PAPPA2: variants seen among roughly 807,000 people sequenced by gnomAD.
PAPPA2 encodes the protein pappalysin 2.
In PAPPA2, 86 loss-of-function variants were observed where a neutral mutation model predicts 176.4. That is an observed-to-expected ratio of 0.49 (90% CI 0.41 to 0.58). The LOEUF is 0.58. PAPPA2 is among the 20% of genes least tolerant of loss of function. The probability of loss-of-function intolerance (pLI) is 0.00; values close to 1 mark genes in which losing one functional copy is unlikely to be tolerated. For synonymous variants in PAPPA2, 809 were observed against 852.2 expected, an observed-to-expected ratio of 0.95 and a Z score of 0.88; for missense variants, 2,073 against 2,256.9, an observed-to-expected ratio of 0.92 and a Z score of 1.65.
intron 14 of PAPPA2, among the ~76,000 whole-genome samples, chr1:176,763,343 C>T (rs1273661427): frequency 6.6e-6 from 1 of 152,156 alleles, no homozygotes; most frequent in African/African-American, 2.4e-5. Flanking sequence ...GGTTCTTATA[C>T]CACTGGTACT....
chr1:176,713,662 G>A (rs1661240986), intron 12 of PAPPA2, among the ~76,000 whole-genome samples: 1 of 152,004 alleles, frequency 6.6e-6, no homozygotes, highest in African/African-American at 2.4e-5. Flanking sequence ...CCTCTCAAAT[G>A]TAAAACTGTT....
intron 1 of PAPPA2, among the ~76,000 whole-genome samples, chr1:176,538,739 TCA>T (rs1392640112): frequency 5.9e-5 from 9 of 152,192 alleles, no homozygotes; most frequent in African/African-American, 2.2e-4. Flanking sequence ...TTTCTTTGCC[TCA>T]TCACTAGACA....
At chr1:176,793,293 C>CT (rs1308392118) in intron 19 of PAPPA2, among the ~76,000 whole-genome samples, 1 of 152,086 alleles carries the variant, frequency 6.6e-6, no homozygotes, top group Non-Finnish European at 1.5e-5. Flanking sequence ...TCAGGCATTC[C>CT]AGAGGAGGGG....
intron 6 of PAPPA2, among the ~76,000 whole-genome samples, chr1:176,694,820 A>G (rs889422219): frequency 2.6e-5 from 4 of 152,372 alleles, no homozygotes; most frequent in Admixed American, 2.6e-4. Flanking sequence ...TGGAAATATA[A>G]ATCAGAATAG....
At chr1:176,499,331 G>A (rs1305815236) in intron 1 of PAPPA2, among the ~76,000 whole-genome samples, 1 of 152,134 alleles carries the variant, frequency 6.6e-6, no homozygotes, top group Non-Finnish European at 1.5e-5. Context: ...GGGCTATGTG[G>A]CAAGTCATGC....
At chr1:176,503,118 T>C (rs981378540) in intron 1 of PAPPA2, among the ~76,000 whole-genome samples, 3 of 152,160 alleles carry the variant, frequency 2.0e-5, no homozygotes, top group Non-Finnish European at 4.4e-5. Flanking sequence ...ATGTTCCTTC[T>C]GGAGACTCTA....
At chr1:176,811,884 C>T (rs555886197) in intron 21 of PAPPA2, among the ~76,000 whole-genome samples, 2 of 152,118 alleles carry the variant, frequency 1.3e-5, no homozygotes, top group South Asian at 2.1e-4. Flanking sequence ...AAAGCTAAAA[C>T]CATTGCCCCC....
At chr1:176,803,760 A>C (rs1665782861) in intron 21 of PAPPA2, among the ~76,000 whole-genome samples, 1 of 152,200 alleles carries the variant, frequency 6.6e-6, no homozygotes, top group Non-Finnish European at 1.5e-5. Context: ...TGCTAAAAAT[A>C]TCTCAGGAAC....
intron 21 of PAPPA2, among the ~76,000 whole-genome samples, chr1:176,816,376 C>T (rs1280554609): frequency 1.9e-4 from 10 of 53,508 alleles, no homozygotes; most frequent in South Asian, 5.2e-4. Flanking sequence ...GACATCATCA[C>T]GCACACACAC....
intron 16 of PAPPA2, among the ~76,000 whole-genome samples, chr1:176,770,482 C>T (rs1050320206): frequency 1.3e-5 from 2 of 152,254 alleles, no homozygotes; most frequent in East Asian, 3.9e-4. Flanking sequence ...AGTTACCGAT[C>T]CCCAATTTCC....
chr1:176,557,093 A>G lies in PAPPA2; in HGVS notation c.771A>G (p.Gln257=), dbSNP rs373299916. 38 of 1,613,638 alleles carry G rather than the reference A, an allele frequency of 2.4e-5. No individual in the cohort carries two copies. The highest frequency in any genetic ancestry group is 2.3e-4 in the Admixed American group (14 of 59,958). Residue 257 remains glutamine (Q), a synonymous_variant, in exon 2 of 23, where the codon CAA becomes CAG. Transcript: ENST00000367662. The stretch of plus-strand genomic sequence containing the variant: ...GAGAAGCAGAGACCTTTAACTCCCA[A>G]GTAGGACTGCCCATCTTATACTTCT... The part of the protein sequence containing the change: ...SYREAETFNS[Q]VGLPILYFSG...
chr1:176,634,057 T>G (rs1400405899), intron 3 of PAPPA2, among the ~76,000 whole-genome samples: 1 of 152,126 alleles, frequency 6.6e-6, no homozygotes, highest in Non-Finnish European at 1.5e-5. Context: ...GATCTAGAAC[T>G]AGAAATACCA....
chr1:176,810,171 G>A (rs1666087186), intron 21 of PAPPA2, among the ~76,000 whole-genome samples: 1 of 152,098 alleles, frequency 6.6e-6, no homozygotes, highest in South Asian at 2.1e-4. Context: ...ATGGGCTCAG[G>A]CCCACCTTTA....
intron 20 of PAPPA2, among the ~76,000 whole-genome samples, chr1:176,796,700 CTT>C (rs1557877552): frequency 7.0e-6 from 1 of 142,090 alleles, no homozygotes; most frequent in Non-Finnish European, 1.5e-5. Flanking sequence ...TTCTTTCTCT[CTT>C]TCTTTCTTTT....
intron 21 of PAPPA2, among the ~76,000 whole-genome samples, chr1:176,837,926 A>T (rs1430509451): frequency 6.6e-6 from 1 of 152,260 alleles, no homozygotes; most frequent in Non-Finnish European, 1.5e-5. Flanking sequence ...CTGTTTGTTG[A>T]GGGTGGAGTG....
chr1:176,794,348 A>G (rs951073072), intron 20 of PAPPA2, among the ~76,000 whole-genome samples: 2 of 152,200 alleles, frequency 1.3e-5, no homozygotes, highest in Non-Finnish European at 2.9e-5. Context: ...CATGGTTGTT[A>G]TTAAATTTAA....
intron 15 of PAPPA2, among the ~76,000 whole-genome samples, chr1:176,767,832 G>A (rs1664049322): frequency 1.3e-5 from 2 of 152,246 alleles, no homozygotes; most frequent in South Asian, 4.1e-4. Context: ...CTGGTCCCAT[G>A]AAGAAAATTA....
At chr1:176,826,738 C>T (rs1339053625) in intron 21 of PAPPA2, among the ~76,000 whole-genome samples, 1 of 152,210 alleles carries the variant, frequency 6.6e-6, no homozygotes, top group Non-Finnish European at 1.5e-5. Context: ...CTGGATATTA[C>T]TGGGGATGAT....
rs746160355 is a variant in PAPPA2, at chr1:176,710,147, T to A, written c.3622T>A (p.Ser1208Thr). The A allele has an allele frequency of 6.2e-7, 1 of 1,613,634 alleles. No individual in the cohort carries two copies. Among genetic ancestry groups the A allele is most frequent in the Admixed American group, 1.7e-5 (1 of 60,002 alleles). ...TGAAGACAAGAAGAAGTGTCCTGTT[T>A]CCTTGGTAACTGGAGAACCTCATTC... ...SHEDKKKCPV[S>T]LVTGEPHSLI... Residue 1208 changes from serine (S) to threonine (T), a missense_variant, in exon 11 of 23, where the codon TCC becomes ACC. By Grantham distance (58) the Ser-to-Thr change is moderately conservative (BLOSUM62 1). Coordinates refer to ENST00000367662, the MANE Select transcript of PAPPA2 (RefSeq NM_020318.3).
Sources: allele counts gnomAD v4.1 joint callset (sites outside exome capture counted in the v4.1 genomes callset), GRCh38; gene constraint gnomAD v4.1.1; transcripts MANE v1.5; gene names NCBI Gene and HGNC (gene_info 2026-07-23, HGNC 2026-07-21).